Variants in TULP4 observed in about 807,000 individuals in gnomAD.
The protein encoded by TULP4 is tubby-related protein 4.
TULP4 carries 16 observed loss-of-function variants against 129.0 expected under a neutral mutation model. The ratio of observed to expected loss-of-function variants is 0.12; its 90% CI spans 0.08 to 0.19. The LOEUF (loss-of-function observed/expected upper bound fraction) is 0.19. TULP4 is among the 10% of genes least tolerant of loss of function. The pLI, the probability that TULP4 is intolerant of heterozygous loss-of-function variation, is 1.00. For missense variants in TULP4, 1,842 were observed against 2,059.1 expected, an observed-to-expected ratio of 0.89 and a Z score of 2.04; for synonymous variants, 998 against 854.0, an observed-to-expected ratio of 1.17 and a Z score of -2.94.
At chr6:158,376,320 A>G (rs1477015997) in intron 1 of TULP4, among the ~76,000 whole-genome samples, 1 of 152,198 alleles carries the variant, frequency 6.6e-6, no homozygotes, top group Admixed American at 6.5e-5. Flanking sequence ...GTTGCTGGGC[A>G]TGTGGAAGGC....
chr6:158,494,803 G>A lies in TULP4; in HGVS notation c.1827G>A (p.Lys609=). 1 of 1,614,090 alleles carries A rather than the reference G, an allele frequency of 6.2e-7. No individual in the cohort carries two copies. Among genetic ancestry groups the A allele is most frequent in the Non-Finnish European group, 8.5e-7 (1 of 1,180,010 alleles). The change falls in exon 11 of 14, where the codon AAG becomes AAA. Residue 609 remains lysine, a synonymous_variant. Coordinates refer to ENST00000367097, the MANE Select transcript of TULP4 (RefSeq NM_020245.5). ...CTAATATCTGGGGAACCAAATTTAA[G>A]ATTGTGGGCTTGGCTGCTTTCCTGC... The part of the protein sequence containing the change: ...VTSNIWGTKF[K]IVGLAAFLPT...
intron 1 of TULP4, among the ~76,000 whole-genome samples, chr6:158,369,441 G>A (rs1043287816): frequency 9.9e-5 from 15 of 152,220 alleles, no homozygotes; most frequent in African/African-American, 2.7e-4. Context: ...CACGGCTGAA[G>A]TGAGCCTTGA....
At chr6:158,436,220 C>A (rs559917335) in intron 3 of TULP4, among the ~76,000 whole-genome samples, 2 of 152,304 alleles carry the variant, frequency 1.3e-5, no homozygotes, top group Non-Finnish European at 2.9e-5. Flanking sequence ...ACTCTCTTTT[C>A]TGTACCTCCA....
At chr6:158,290,039 C>G (rs1778904455) in intron 1 of TULP4, among the ~76,000 whole-genome samples, 1 of 151,968 alleles carries the variant, frequency 6.6e-6, no homozygotes, top group South Asian at 2.1e-4. Flanking sequence ...TAGACTTAAG[C>G]CATCCTCCCA....
In TULP4 at chr6:158,462,747, C is replaced by CT. The variant is rs56829575; in HGVS notation, c.1026+1037dup. On this transcript the variant is annotated intron_variant, in intron 6 of 13. Coordinates refer to ENST00000367097, the MANE Select transcript of TULP4 (RefSeq NM_020245.5). Reference sequence around the variant, plus strand: ...AGTTTACCCTATGTCTTTTTTTTTCCTTTTTTTTTTTTTTTTTTTGAATTG... The same window carrying CT: ...AGTTTACCCTATGTCTTTTTTTTTCCTTTTTTTTTTTTTTTTTTTTGAATTG... Among the ~76,000 whole-genome samples, 1,199 of 127,774 alleles carry CT rather than the reference C, an allele frequency of 9.4e-3. 12 individuals are homozygous for CT. The highest frequency in any genetic ancestry group is 0.019 in the African/African-American group (652 of 33,724). 83.8% of individuals were successfully genotyped at this position (127,774 alleles called of 152,430 possible).
chr6:158,331,688 G>GACACACACAC (rs146753041), intron 1 of TULP4, among the ~76,000 whole-genome samples: 2 of 43,258 alleles, frequency 4.6e-5, no homozygotes, highest in African/African-American at 6.8e-5. Flanking sequence ...TCGTTCAACA[G>GACACACACAC]ACACACACAC....
chr6:158,396,484 T>C (rs772717481), intron 1 of TULP4, among the ~76,000 whole-genome samples: 18 of 152,194 alleles, frequency 1.2e-4, no homozygotes, highest in Non-Finnish European at 2.4e-4. Flanking sequence ...TGCAGTACTT[T>C]AAGAAGGTAG....
rs869146924 is a variant in TULP4 at position 158,453,485 on chromosome 6, C to CAAAAAAAAAA, written c.859+1232_859+1241dup. ...GGTGACAGAGCGAGACTCTGTCTCACAAAAAAAAAAAAAAAAAAAAAAAAG... is the reference window on the plus strand; with the variant it reads ...GGTGACAGAGCGAGACTCTGTCTCACAAAAAAAAAAAAAAAAAAAAAAAAAAAAAAAAAAG... On this transcript the variant is annotated intron_variant, in intron 5 of 13. Transcript: ENST00000367097. Among the ~76,000 whole-genome samples the CAAAAAAAAAA allele has an allele frequency of 4.7e-3, 85 of 17,980 alleles. 5 individuals are homozygous for CAAAAAAAAAA. The highest frequency in any genetic ancestry group is 5.0e-3 in the Non-Finnish European group (51 of 10,152). 11.8% of individuals were successfully genotyped at this position (17,980 alleles called of 152,430 possible).
chr6:158,360,680 A>G (rs1209703479), intron 1 of TULP4, among the ~76,000 whole-genome samples: 1 of 152,180 alleles, frequency 6.6e-6, no homozygotes, highest in African/African-American at 2.4e-5. Context: ...TTAATGTTGG[A>G]AGACATGGAA....
At chr6:158,372,897 A>G (rs939045221) in intron 1 of TULP4, among the ~76,000 whole-genome samples, 3 of 152,248 alleles carry the variant, frequency 2.0e-5, no homozygotes, top group African/African-American at 4.8e-5. Context: ...CAAATTAGCA[A>G]ACGTTAGGCA....
chr6:158,240,914 G>T, intron 1 of TULP4, among the ~76,000 whole-genome samples: 1 of 149,084 alleles, frequency 6.7e-6, no homozygotes, highest in Admixed American at 6.7e-5. Context: ...CCCAGATCGG[G>T]TGGCTGCCGG....
chr6:158,390,841 C>T (rs530387670), intron 1 of TULP4, among the ~76,000 whole-genome samples: 3 of 152,328 alleles, frequency 2.0e-5, no homozygotes, highest in African/African-American at 7.2e-5. Context: ...CAGTGGCTCA[C>T]GCCTGTAATC....
chr6:158,385,862 T>TTTTTTTTTTTTTTA, intron 1 of TULP4, among the ~76,000 whole-genome samples: 1 of 144,378 alleles, frequency 6.9e-6, no homozygotes, highest in Non-Finnish European at 1.5e-5. Flanking sequence ...TTTTTTTTTT[T>TTTTTTTTTTTTTTA]GAGAAAAAGT....
At chr6:158,464,876 G>C (rs548014137) in intron 6 of TULP4, among the ~76,000 whole-genome samples, 2 of 152,320 alleles carry the variant, frequency 1.3e-5, no homozygotes, top group Non-Finnish European at 1.5e-5. Context: ...TTCCCAACAA[G>C]AGATGGTTTT....
chr6:158,311,237 C>T (rs141807511), upstream of TULP4, among the ~76,000 whole-genome samples: 91 of 152,274 alleles, frequency 6.0e-4, no homozygotes, highest in Middle Eastern at 6.8e-3. Flanking sequence ...ACACCTGGGC[C>T]CTTCCCTTCC....
Position 158,494,947 on chromosome 6 carries a change from C to T in TULP4, c.1870+101C>T, listed in dbSNP as rs1351395630. ...TAAACTAGGAGATGAACTTTTAAGA[C>T]AGCAAAAGATTAGCATGTATTTTAC... On this transcript the variant is annotated intron_variant, in intron 11 of 13. Coordinates refer to ENST00000367097, the MANE Select transcript of TULP4 (RefSeq NM_020245.5). 4 of 896,492 alleles carry T rather than the reference C, an allele frequency of 4.5e-6. No homozygotes were observed. The Admixed American group carries it at 1.0e-4, about 23-fold the overall frequency. 55.5% of individuals were successfully genotyped at this position (896,492 alleles called of 1,614,324 possible).
chr6:158,387,295 T>TGACG (rs1183178621), intron 1 of TULP4, among the ~76,000 whole-genome samples: 1 of 152,176 alleles, frequency 6.6e-6, no homozygotes, highest in East Asian at 1.9e-4. Context: ...AAGTATTAGA[T>TGACG]GACGATCTGT....
intron 1 of TULP4, among the ~76,000 whole-genome samples, chr6:158,283,944 C>T: frequency 6.6e-6 from 1 of 152,134 alleles, no homozygotes; most frequent in Admixed American, 6.6e-5. Flanking sequence ...ATTTCTAAAC[C>T]ACATCCAAAG....
chr6:158,248,476 A>G (rs1778074627), intron 1 of TULP4, among the ~76,000 whole-genome samples: 1 of 152,066 alleles, frequency 6.6e-6, no homozygotes, highest in Non-Finnish European at 1.5e-5. Flanking sequence ...TCATTGTGTT[A>G]GCCAGGATGA....
Sources: gnomAD v4.1 joint callset for allele counts (sites outside exome capture counted in the v4.1 genomes callset) on GRCh38, gnomAD v4.1.1 for gene constraint, MANE v1.5 for transcripts, NCBI Gene and HGNC (gene_info 2026-07-23, HGNC 2026-07-21) for gene names.